Variants in GDPD5 observed in about 807,000 individuals in gnomAD.
The protein encoded by GDPD5 is glycerophosphodiester phosphodiesterase domain containing 5.
Under a neutral mutation model 75.1 loss-of-function variants are expected in GDPD5, and 48 were observed. The ratio of observed to expected loss-of-function variants is 0.64; its 90% CI spans 0.51 to 0.81. The LOEUF is 0.81. GDPD5 is among the 40% of genes least tolerant of loss of function. The pLI, the probability that GDPD5 is intolerant of heterozygous loss-of-function variation, is 0.00. For missense variants in GDPD5, 706 were observed against 822.6 expected (o/e 0.86, Z 1.73); for synonymous variants, 336 against 339.0 (o/e 0.99, Z 0.10).
At chr11:75,439,725 G>C (rs1166512824) in intron 15 of GDPD5, among the ~76,000 whole-genome samples, 154 bp downstream of exon 15, 1 of 152,144 alleles carries the variant, frequency 6.6e-6, no homozygotes, top group African/African-American at 2.4e-5. Context: ...CTCTGTCTGA[G>C]GGAGGATGGG....
At chr11:75,474,502 C>T (rs1308322221) in intron 3 of GDPD5, among the ~76,000 whole-genome samples, 1 of 152,216 alleles carries the variant, frequency 6.6e-6, no homozygotes, top group Non-Finnish European at 1.5e-5. Context: ...GCCTGGCCTC[C>T]TGCTGCCAGG....
intron 2 of GDPD5, chr11:75,485,510 T>TACACACACACACACACACAC (rs3138546): frequency 7.0e-6 from 1 of 143,488 alleles, no homozygotes; most frequent in African/African-American, 2.6e-5. Context: ...GTGTATTAAA[T>TACACACACACACACACACAC]ACACACACAC....
chr11:75,451,832 C>T (rs1241337819), intron 6 of GDPD5: 1 of 152,246 alleles, frequency 6.6e-6, no homozygotes, highest in South Asian at 2.1e-4. Flanking sequence ...TGCTAATCAA[C>T]ACACTCAGCA....
chr11:75,439,785 G>A, intron 15 of GDPD5, 94 bp downstream of exon 15: 1 of 1,022,940 alleles, frequency 9.8e-7, no homozygotes. Flanking sequence ...CCTGGCTGAG[G>A]CCCAGGGCTC....
intron 1 of GDPD5, among the ~76,000 whole-genome samples, chr11:75,512,106 G>A (rs1950532433): frequency 6.6e-6 from 1 of 152,118 alleles, no homozygotes. Flanking sequence ...CAGGACAGAT[G>A]GATGGATGGA....
At chr11:75,494,794 A>G (rs1448555097) in intron 1 of GDPD5, among the ~76,000 whole-genome samples, 2 of 151,954 alleles carry the variant, frequency 1.3e-5, no homozygotes, top group Non-Finnish European at 2.9e-5. Flanking sequence ...TCTACTAAAC[A>G]TAAAAAAAAT....
rs775034124 is a variant in GDPD5 at position 75,441,147 on chromosome 11, C to A, written c.1473+16G>T. The A allele has an allele frequency of 6.2e-7, 1 of 1,612,384 alleles. No individual in the cohort carries two copies. Among genetic ancestry groups the A allele is most frequent in the Non-Finnish European group, 8.5e-7 (1 of 1,179,140 alleles). On this transcript the variant is annotated intron_variant, in intron 14 of 16. Transcript: ENST00000336898. ...TCCAGCACTGCCCCCCAGGGGCCCT[C>A]TGCCCCCCAACTCACCATGATCCAG... is the stretch of plus-strand genomic sequence containing the variant.
At chr11:75,451,889 A>G (rs2135237347) in intron 6 of GDPD5, 1 of 152,298 alleles carries the variant, frequency 6.6e-6, no homozygotes, top group East Asian at 1.9e-4. Context: ...ACCTTGCATC[A>G]TTAAGTTATA....
At chr11:75,449,458 C>G in intron 8 of GDPD5, 59 bp downstream of exon 8, 1 of 1,486,854 alleles carries the variant, frequency 6.7e-7, no homozygotes, top group Non-Finnish European at 9.2e-7. Context: ...CGGGGCAGCA[C>G]CAGCTGGTCT....
intron 3 of GDPD5, among the ~76,000 whole-genome samples, chr11:75,463,879 C>T (rs941207620): frequency 2.6e-5 from 4 of 152,250 alleles, no homozygotes; most frequent in Non-Finnish European, 5.9e-5. Flanking sequence ...GTTCCCTGAA[C>T]ATTCCCACTC....
At chr11:75,483,212 G>C (rs77610010) in intron 2 of GDPD5, among the ~76,000 whole-genome samples, 1 of 152,034 alleles carries the variant, frequency 6.6e-6, no homozygotes, top group Non-Finnish European at 1.5e-5. Context: ...ACAAGAGAAC[G>C]CTCTCACCTC....
intron 2 of GDPD5, among the ~76,000 whole-genome samples, chr11:75,487,213 T>C (rs1349000514): frequency 6.6e-6 from 1 of 152,254 alleles, no homozygotes; most frequent in East Asian, 1.9e-4. Flanking sequence ...CCTCATTTGA[T>C]GGCTTGAATG....
chr11:75,521,234 C>G (rs1389218416), intron 1 of GDPD5, among the ~76,000 whole-genome samples: 1 of 152,174 alleles, frequency 6.6e-6, no homozygotes, highest in African/African-American at 2.4e-5. Context: ...CCTTCCTGGG[C>G]CCCATGCTCA....
chr11:75,524,903 G>T (rs1014940975), intron 1 of GDPD5, among the ~76,000 whole-genome samples: 5 of 152,072 alleles, frequency 3.3e-5, no homozygotes, highest in Non-Finnish European at 7.4e-5. Flanking sequence ...TCTCCTCCCC[G>T]CAGTGAAAGG....
At chr11:75,448,828 C>T in intron 9 of GDPD5, 149 bp downstream of exon 9, 1 of 1,165,034 alleles carries the variant, frequency 8.6e-7, no homozygotes, top group Non-Finnish European at 1.1e-6. Flanking sequence ...CATCCCAGCA[C>T]TCCCGGCCTT....
At chr11:75,523,367 A>G (rs1032759478) in intron 1 of GDPD5, among the ~76,000 whole-genome samples, 1 of 152,202 alleles carries the variant, frequency 6.6e-6, no homozygotes. Context: ...CCTGGTATGC[A>G]GCTGGCACTC....
chr11:75,514,552 G>A (rs1395102499), intron 1 of GDPD5, among the ~76,000 whole-genome samples: 1 of 152,230 alleles, frequency 6.6e-6, no homozygotes, highest in Non-Finnish European at 1.5e-5. Context: ...GAAGAGTTAG[G>A]ATGATGCACC....
At chr11:75,463,087 A>AG (rs1949448604) in intron 3 of GDPD5, among the ~76,000 whole-genome samples, 198 bp from the exon 4 acceptor site, 1 of 152,238 alleles carries the variant, frequency 6.6e-6, no homozygotes, top group Non-Finnish European at 1.5e-5. Context: ...CCAAAGTCAC[A>AG]GAAAGGTGGA....
intron 2 of GDPD5, among the ~76,000 whole-genome samples, chr11:75,483,219 C>T (rs1054306237): frequency 6.6e-6 from 1 of 152,160 alleles, no homozygotes; most frequent in Non-Finnish European, 1.5e-5. Flanking sequence ...AACGCTCTCA[C>T]CTCTGAGCCT....
Sources: allele counts gnomAD v4.1 joint callset (sites outside exome capture counted in the v4.1 genomes callset), GRCh38; gene constraint gnomAD v4.1.1; transcripts MANE v1.5; gene names NCBI Gene and HGNC (gene_info 2026-07-23, HGNC 2026-07-21).